SIPA1L3: variants seen among roughly 807,000 people sequenced by gnomAD.
SIPA1L3 encodes signal induced proliferation associated 1 like 3.
Under a neutral mutation model 150.1 loss-of-function variants are expected in SIPA1L3, and 59 were observed. The ratio of observed to expected loss-of-function variants is 0.39; its 90% CI spans 0.32 to 0.49. The LOEUF (loss-of-function observed/expected upper bound fraction) is 0.49. Among genes scored for constraint, SIPA1L3 ranks in the 20% least tolerant of loss-of-function variants. The pLI is 0.86. For missense variants in SIPA1L3, 2,211 were observed against 2,489.5 expected, an observed-to-expected ratio of 0.89 and a Z score of 2.38; for synonymous variants, 1,070 against 1,077.6, an observed-to-expected ratio of 0.99 and a Z score of 0.14.
At chr19:38,132,561 G>T (rs2145922224) in intron 10 of SIPA1L3, among the ~76,000 whole-genome samples, 2 of 138,114 alleles carry the variant, frequency 1.4e-5, no homozygotes, top group African/African-American at 5.6e-5. Context: ...TCCAGCCTGG[G>T]CAACAAGAAT....
intron 13 of SIPA1L3, among the ~76,000 whole-genome samples, chr19:38,158,039 G>A (rs1971989019): frequency 6.6e-6 from 1 of 152,138 alleles, no homozygotes; most frequent in Non-Finnish European, 1.5e-5. Context: ...TCAGGAGTTC[G>A]AGAGCAGCCT....
chr19:38,016,803 TATC>T (rs1227530602), intron 1 of SIPA1L3, among the ~76,000 whole-genome samples: 1 of 150,176 alleles, frequency 6.7e-6, no homozygotes. Context: ...TTAAAGTGAT[TATC>T]GATATATTTG....
intron 10 of SIPA1L3, among the ~76,000 whole-genome samples, chr19:38,136,369 C>T (rs113664148): frequency 0.075 from 11,413 of 151,460 alleles, 1,286 homozygotes; most frequent in African/African-American, 0.24. Context: ...TTTGGGAGGC[C>T]GAGGGAGGCG....
chr19:38,014,771 G>A (rs1178802066), intron 1 of SIPA1L3, among the ~76,000 whole-genome samples: 3 of 151,378 alleles, frequency 2.0e-5, no homozygotes, highest in Non-Finnish European at 2.9e-5. Flanking sequence ...CCAGGTTCAC[G>A]CCATTTTCCT....
intron 2 of SIPA1L3, among the ~76,000 whole-genome samples, chr19:38,045,999 G>A (rs1284401624): frequency 6.6e-6 from 1 of 152,128 alleles, no homozygotes; most frequent in Non-Finnish European, 1.5e-5. Flanking sequence ...TTCAAGCCTT[G>A]ATGTCCTGAC....
At chr19:38,118,218 ACCCAAGGGCTCAGTGACAAACG>A (rs1212889771) in intron 8 of SIPA1L3, among the ~76,000 whole-genome samples, 1 of 152,034 alleles carries the variant, frequency 6.6e-6, no homozygotes, top group Non-Finnish European at 1.5e-5. Context: ...ATAACAAACC[ACCCAAGGGCTCAGTGACAAACG>A]TTAATGTTTC....
intron 1 of SIPA1L3, among the ~76,000 whole-genome samples, chr19:37,947,826 G>C (rs954922541): frequency 4.6e-5 from 7 of 152,168 alleles, no homozygotes; most frequent in African/African-American, 1.7e-4. Context: ...AGTTTTTCCT[G>C]CAGTTTCTTG....
At chr19:38,162,900 C>T (rs144469378) in intron 14 of SIPA1L3, among the ~76,000 whole-genome samples, 7 of 152,286 alleles carry the variant, frequency 4.6e-5, no homozygotes, top group African/African-American at 1.4e-4. Flanking sequence ...TGGCATGAAT[C>T]GCTTCCATTC....
At chr19:37,965,438 C>T (rs530202469) in intron 1 of SIPA1L3, among the ~76,000 whole-genome samples, 24 of 151,744 alleles carry the variant, frequency 1.6e-4, no homozygotes, top group Non-Finnish European at 2.8e-4. Context: ...GCCTCAGCCT[C>T]CTGAGTAGCT....
intron 11 of SIPA1L3, 152 bp downstream of exon 11, chr19:38,141,587 C>T: frequency 1.2e-6 from 1 of 860,694 alleles, no homozygotes; most frequent in Non-Finnish European, 1.7e-6. Context: ...TTGTTCCTCC[C>T]TCCCTCCTTC....
At chr19:38,057,642 G>A (rs1285463892) in intron 2 of SIPA1L3, among the ~76,000 whole-genome samples, 1 of 148,950 alleles carries the variant, frequency 6.7e-6, no homozygotes, top group Non-Finnish European at 1.5e-5. Flanking sequence ...TTCAGAGGGT[G>A]AGAACTTTTT....
At chr19:37,973,681 C>T (rs969918844) in intron 1 of SIPA1L3, among the ~76,000 whole-genome samples, 3 of 151,886 alleles carry the variant, frequency 2.0e-5, no homozygotes, top group African/African-American at 7.3e-5. Context: ...CACACTCACA[C>T]CAGAGCAAAT....
intron 1 of SIPA1L3, among the ~76,000 whole-genome samples, chr19:37,937,475 A>G (rs1259871576): frequency 6.6e-6 from 1 of 151,822 alleles, no homozygotes; most frequent in Non-Finnish European, 1.5e-5. Flanking sequence ...GTGGTGGCTC[A>G]TGTGTGTAAT....
chr19:38,152,299 C>T (rs911107222), intron 12 of SIPA1L3, among the ~76,000 whole-genome samples: 3 of 152,308 alleles, frequency 2.0e-5, no homozygotes, highest in East Asian at 1.9e-4. Flanking sequence ...CTACTGTTAT[C>T]GCCTCTTGAC....
At chr19:37,955,163 G>C (rs893009531) in intron 1 of SIPA1L3, among the ~76,000 whole-genome samples, 6 of 151,190 alleles carry the variant, frequency 4.0e-5, no homozygotes, top group African/African-American at 1.5e-4. Context: ...AGGCCGAGGT[G>C]GGTAGATCAC....
At chr19:37,988,848 C>T (rs919555713) in intron 1 of SIPA1L3, among the ~76,000 whole-genome samples, 22 of 152,152 alleles carry the variant, frequency 1.4e-4, no homozygotes, top group African/African-American at 4.8e-4. Context: ...GCACCAGGCA[C>T]GTTCGCTCTC....
intron 1 of SIPA1L3, chr19:37,908,083 A>C (rs2046349842): frequency 6.6e-6 from 1 of 152,226 alleles, no homozygotes; most frequent in Admixed American, 6.5e-5. Context: ...TACCATGTGT[A>C]AAGTGCTTAG....
chr19:38,120,481 CA>C (rs951243045), intron 9 of SIPA1L3, among the ~76,000 whole-genome samples: 3 of 145,646 alleles, frequency 2.1e-5, no homozygotes, highest in Admixed American at 6.8e-5. Context: ...CAAAAACAAA[CA>C]AAAAAAAAGA....
intron 4 of SIPA1L3, among the ~76,000 whole-genome samples, chr19:38,090,409 C>T (rs1243986404): frequency 6.6e-6 from 1 of 151,812 alleles, no homozygotes; most frequent in African/African-American, 2.4e-5. Context: ...AGCCCAAGTC[C>T]TGAGCCAGTC....
Sources: allele counts gnomAD v4.1 joint callset (sites outside exome capture counted in the v4.1 genomes callset), GRCh38; gene constraint gnomAD v4.1.1; transcripts MANE v1.5; gene names NCBI Gene and HGNC (gene_info 2026-07-23, HGNC 2026-07-21).